Variants in DCLK2 observed in about 807,000 individuals in gnomAD.
DCLK2 encodes doublecortin like kinase 2.
A neutral mutation model predicts 78.4 loss-of-function variants in DCLK2; 31 were observed. The observed-to-expected ratio is 0.40, with a 90% CI of 0.30 to 0.53. The LOEUF is 0.53. DCLK2 is among the 20% of genes least tolerant of loss of function. DCLK2 has a pLI of 0.61. For synonymous variants in DCLK2, 407 were observed against 374.9 expected, an observed-to-expected ratio of 1.09 and a Z score of -0.99; for missense variants, 872 against 973.7, an observed-to-expected ratio of 0.90 and a Z score of 1.39.
intron 5 of DCLK2, 69 bp downstream of exon 5, chr4:150,203,958 AT>A: frequency 6.9e-7 from 1 of 1,455,434 alleles, no homozygotes; most frequent in South Asian, 1.2e-5. Flanking sequence ...TAGCAGTTTA[AT>A]TTGTTTGGGG....
At chr4:150,158,237 C>T (rs1203851652) in intron 2 of DCLK2, among the ~76,000 whole-genome samples, 1 of 152,080 alleles carries the variant, frequency 6.6e-6, no homozygotes, top group Non-Finnish European at 1.5e-5. Context: ...TGTGTGTGTC[C>T]ACATTTTCTT....
At chr4:150,104,671 A>G (rs995985765) in intron 2 of DCLK2, among the ~76,000 whole-genome samples, 6 of 152,160 alleles carry the variant, frequency 3.9e-5, no homozygotes, top group Admixed American at 2.6e-4. Flanking sequence ...GCACAATAGC[A>G]CATATTCATA....
chr4:150,159,520 G>A (rs1051273116), intron 2 of DCLK2, among the ~76,000 whole-genome samples: 2 of 152,348 alleles, frequency 1.3e-5, no homozygotes, highest in South Asian at 2.1e-4. Flanking sequence ...TACAGCACAC[G>A]TGCCCTGGCA....
At chr4:150,221,563 G>A (rs561454262) in intron 6 of DCLK2, 114 bp from the exon 7 acceptor site, 1 of 620,664 alleles carries the variant, frequency 1.6e-6, no homozygotes, top group Non-Finnish European at 2.6e-6. Flanking sequence ...ATTTTATTTA[G>A]TTTCACCATA....
intron 1 of DCLK2, among the ~76,000 whole-genome samples, chr4:150,101,924 G>T (rs1322620966): frequency 6.6e-6 from 1 of 152,174 alleles, no homozygotes; most frequent in Admixed American, 6.5e-5. Flanking sequence ...CATAATGTTT[G>T]TGGTGCTTCA....
At chr4:150,240,348 G>C in intron 11 of DCLK2, 51 bp from the exon 12 acceptor site, 1 of 1,511,916 alleles carries the variant, frequency 6.6e-7, no homozygotes. Flanking sequence ...TACCATGGAA[G>C]GGTCTTGGGA....
chr4:150,079,680 T>A (rs72730320), intron 1 of DCLK2, among the ~76,000 whole-genome samples: 1 of 152,198 alleles, frequency 6.6e-6, no homozygotes, highest in Non-Finnish European at 1.5e-5. Flanking sequence ...AATTTCCTGA[T>A]GGTCAGGCCA....
chr4:150,211,653 A>G (rs980443502), intron 5 of DCLK2, among the ~76,000 whole-genome samples: 1 of 151,550 alleles, frequency 6.6e-6, no homozygotes, highest in Non-Finnish European at 1.5e-5. Flanking sequence ...CATCAATTTT[A>G]TTGCTTTGTT....
intron 4 of DCLK2, chr4:150,198,910 A>AC (rs397805427): frequency 0.33 from 79,130 of 238,796 alleles, 14,472 homozygotes; most frequent in Non-Finnish European, 0.39. Flanking sequence ...CCCTTTCAGC[A>AC]CCCCCCCCCC....
At chr4:150,226,681 A>AT (rs1383738445) in intron 8 of DCLK2, among the ~76,000 whole-genome samples, 2 of 152,124 alleles carry the variant, frequency 1.3e-5, no homozygotes, top group African/African-American at 2.4e-5. Flanking sequence ...TTTGAATCTT[A>AT]TTTTTTCTAG....
intron 1 of DCLK2, among the ~76,000 whole-genome samples, chr4:150,102,136 G>A (rs1560772940): frequency 6.6e-6 from 1 of 152,184 alleles, no homozygotes; most frequent in African/African-American, 2.4e-5. Context: ...TGGGGAATCA[G>A]GAAGTACTTT....
At chr4:150,086,076 A>G (rs539221529) in intron 1 of DCLK2, among the ~76,000 whole-genome samples, 2 of 152,222 alleles carry the variant, frequency 1.3e-5, no homozygotes, top group East Asian at 1.9e-4. Context: ...GATCTTTTCC[A>G]TAGACCATCC....
At chr4:150,228,696 A>C (rs1035850903) in intron 8 of DCLK2, among the ~76,000 whole-genome samples, 1 of 152,170 alleles carries the variant, frequency 6.6e-6, no homozygotes, top group African/African-American at 2.4e-5. Flanking sequence ...AGTATATAGG[A>C]GTTTGCCAAG....
At chr4:150,232,237 A>G in intron 8 of DCLK2, 100 bp from the exon 9 acceptor site, 1 of 1,438,558 alleles carries the variant, frequency 7.0e-7, no homozygotes, top group Non-Finnish European at 9.4e-7. Flanking sequence ...TTTCTTTGGC[A>G]TCAGATCCAC....
chr4:150,250,069 G>C (rs1431264346), intron 15 of DCLK2, among the ~76,000 whole-genome samples: 1 of 152,114 alleles, frequency 6.6e-6, no homozygotes, highest in East Asian at 1.9e-4. Context: ...TTAGAGATGT[G>C]AATTATTCTT....
chr4:150,227,942 C>T (rs1741737665), intron 8 of DCLK2, among the ~76,000 whole-genome samples: 1 of 152,216 alleles, frequency 6.6e-6, no homozygotes, highest in Non-Finnish European at 1.5e-5. Context: ...ACTCTCTTCA[C>T]AGTTCAGGAG....
At chr4:150,194,127 A>G (rs1001996535) in intron 3 of DCLK2, among the ~76,000 whole-genome samples, 10 of 151,896 alleles carry the variant, frequency 6.6e-5, no homozygotes, top group South Asian at 2.1e-4. Flanking sequence ...GCTTTGGTCA[A>G]TGATGGGCTA....
chr4:150,182,050 TA>T (rs1001113595), intron 2 of DCLK2, among the ~76,000 whole-genome samples: 1 of 152,050 alleles, frequency 6.6e-6, no homozygotes, highest in Admixed American at 6.5e-5. Flanking sequence ...TTTTTTTAAT[TA>T]AAAAAATTTT....
intron 2 of DCLK2, among the ~76,000 whole-genome samples, chr4:150,140,977 C>G (rs1259705797): frequency 6.6e-6 from 1 of 152,206 alleles, no homozygotes; most frequent in Non-Finnish European, 1.5e-5. Context: ...CCACTTCATT[C>G]TGACTAATTC....
Sources: gnomAD v4.1 joint callset for allele counts (sites outside exome capture counted in the v4.1 genomes callset) on GRCh38, gnomAD v4.1.1 for gene constraint, MANE v1.5 for transcripts, NCBI Gene and HGNC (gene_info 2026-07-23, HGNC 2026-07-21) for gene names.